The following TENT5C variants were observed in gnomAD, a reference collection of about 807,000 sequenced individuals.
TENT5C encodes terminal nucleotidyltransferase 5C.
In TENT5C, 5 loss-of-function variants were observed where a neutral mutation model predicts 22.2. That is an observed-to-expected ratio of 0.22 (90% confidence interval 0.12 to 0.47). TENT5C has a LOEUF of 0.47. TENT5C is among the 20% of genes least tolerant of loss of function. TENT5C has a pLI of 0.99. For synonymous variants in TENT5C, 199 were observed against 195.4 expected, an observed-to-expected ratio of 1.02 and a Z score of -0.15; for missense variants, 364 against 500.9, an observed-to-expected ratio of 0.73 and a Z score of 2.61.
In TENT5C at chr1:117,628,358, A is replaced by G. The variant is rs1456535028; in HGVS notation, c.*4314A>G. 4.2e-6 allele frequency: 1 copy of G among 236,040 alleles called. No individual in the cohort carries two copies. Among genetic ancestry groups the G allele is most frequent in the African/African-American group, 2.3e-5 (1 of 44,108 alleles). 14.6% of individuals were successfully genotyped at this position (236,040 alleles called of 1,614,324 possible). ...GAGTTTGAGAAATAAAGGTATATTT[A>G]AAATTTAAATAAAACTTGTCATTTA... On this transcript the variant is annotated 3_prime_UTR_variant, in exon 2 of 2. Transcript: ENST00000369448.
At chr1:117,610,018 C>T (rs752116246) in intron 1 of TENT5C, among the ~76,000 whole-genome samples, 20 of 152,176 alleles carry the variant, frequency 1.3e-4, no homozygotes, top group South Asian at 2.1e-4. Flanking sequence ...AAGCACTTGC[C>T]ATCCTTCCCA....
chr1:117,613,578 G>A (rs1363647440), intron 1 of TENT5C, among the ~76,000 whole-genome samples: 4 of 152,206 alleles, frequency 2.6e-5, no homozygotes, highest in Non-Finnish European at 5.9e-5. Context: ...TTCTTAGTGG[G>A]AAGTGAGAAT....
chr1:117,614,364 C>T (rs1653734479), intron 1 of TENT5C, among the ~76,000 whole-genome samples: 1 of 152,206 alleles, frequency 6.6e-6, no homozygotes, highest in African/African-American at 2.4e-5. Context: ...GGTCCATGGT[C>T]ATTCGAAGCG....
At position 117,610,619 on chromosome 1, in the gene TENT5C, G is replaced by A. The variant is rs184080196; in HGVS notation, c.-28+4466G>A. ...CTCTGCTCACTGCAACCTCCACCTC[G>A]TGGGTTCAAGCGATCCTCCTACCTC... is the stretch of plus-strand genomic sequence containing the variant. On this transcript the variant is annotated intron_variant, in intron 1 of 1. Transcript: ENST00000369448. Among the ~76,000 whole-genome samples the A allele has an allele frequency of 1.2e-3, 187 of 152,248 alleles. 1 individual carries two copies. The highest frequency in any genetic ancestry group is 8.3e-3 in the South Asian group (40 of 4,828).
chr1:117,621,782 G>A (rs959808523), intron 1 of TENT5C, among the ~76,000 whole-genome samples: 41 of 152,130 alleles, frequency 2.7e-4, no homozygotes, highest in African/African-American at 9.4e-4. Context: ...TATTCGACTC[G>A]TGGCTCTACA....
At chr1:117,611,099 C>T (rs892010863) in intron 1 of TENT5C, among the ~76,000 whole-genome samples, 3 of 152,222 alleles carry the variant, frequency 2.0e-5, no homozygotes, top group Admixed American at 6.5e-5. Flanking sequence ...CTCTGTCCAT[C>T]GTTGCCCTCT....
In TENT5C at chr1:117,622,976, C is replaced by T. The variant is rs755426698; in HGVS notation, c.108C>T (p.His36=). 26 of 1,614,072 alleles carry T rather than the reference C, an allele frequency of 1.6e-5. 1 individual carries two copies. Among genetic ancestry groups the T allele is most frequent in the South Asian group, 1.2e-4 (11 of 91,090 alleles). Residue 36 remains histidine, a synonymous_variant, in exon 2 of 2, where the codon CAC becomes CAT. Coordinates refer to ENST00000369448, the MANE Select transcript of TENT5C (RefSeq NM_017709.4). Reference sequence around the variant, plus strand: ...TCCTCACTGAAGTTGTACCTATCCACGGACGAGGCAACTTTCCAACCTTGG... The same window carrying T: ...TCCTCACTGAAGTTGTACCTATCCATGGACGAGGCAACTTTCCAACCTTGG... The part of the protein sequence containing the change: ...HEVLTEVVPI[H]GRGNFPTLEI...
At position 117,612,347 on chromosome 1, in the gene TENT5C, CT is replaced by C. The variant is rs373447232; in HGVS notation, c.-28+6209del. Among the ~76,000 whole-genome samples the C allele has an allele frequency of 1.1e-3, 157 of 145,192 alleles. No homozygotes were observed. The Middle Eastern group carries it at 0.022, about 20-fold the overall frequency. On this transcript the variant is annotated intron_variant, in intron 1 of 1. Coordinates refer to ENST00000369448, the MANE Select transcript of TENT5C (RefSeq NM_017709.4). The stretch of plus-strand genomic sequence containing the variant: ...TTGGATTCCTAGCCCGGTGCTCATT[CT>C]TTTTTTTTTTTTTTATAGTTTCTTA...
chr1:117,614,533 G>T (rs1653740377), intron 1 of TENT5C, among the ~76,000 whole-genome samples: 1 of 152,128 alleles, frequency 6.6e-6, no homozygotes, highest in Non-Finnish European at 1.5e-5. Flanking sequence ...TCCTGGGCTG[G>T]CCCTTTAAGT....
intron 1 of TENT5C, among the ~76,000 whole-genome samples, chr1:117,621,445 C>T (rs1653892730): frequency 6.6e-6 from 1 of 152,236 alleles, no homozygotes; most frequent in African/African-American, 2.4e-5. Flanking sequence ...GTATTGATAG[C>T]TCATATTTTC....
At chr1:117,617,988 T>A (rs1653822290) in intron 1 of TENT5C, among the ~76,000 whole-genome samples, 1 of 152,250 alleles carries the variant, frequency 6.6e-6, no homozygotes, top group South Asian at 2.1e-4. Context: ...AGCTAAGCAC[T>A]TAGTATGAAC....
chr1:117,608,928 G>A (rs1228795890), intron 1 of TENT5C, among the ~76,000 whole-genome samples: 1 of 152,184 alleles, frequency 6.6e-6, no homozygotes, highest in Non-Finnish European at 1.5e-5. Context: ...AAGGAGTAAT[G>A]TGGAATGTGA....
rs928054753 is a variant in TENT5C, at chr1:117,623,120, T to C, written c.252T>C (p.Asn84=). 3 of 1,614,164 alleles carry C rather than the reference T, an allele frequency of 1.9e-6. No homozygotes were observed. Among genetic ancestry groups the C allele is most frequent in the East Asian group, 4.5e-5 (2 of 44,886 alleles). The change falls in exon 2 of 2, where the codon AAT becomes AAC. Residue 84 remains asparagine (N), a synonymous_variant. Coordinates refer to ENST00000369448, the MANE Select transcript of TENT5C (RefSeq NM_017709.4). The part of the protein sequence containing the change: ...SAAGHVLVKD[N]GLGCKDLDLI... ...CTGGCCACGTTTTGGTCAAAGACAA[T>C]GGCTTGGGCTGCAAAGACCTGGACC...
chr1:117,618,001 A>C (rs1233917017), intron 1 of TENT5C, among the ~76,000 whole-genome samples: 2 of 152,230 alleles, frequency 1.3e-5, no homozygotes, highest in Non-Finnish European at 2.9e-5. Flanking sequence ...GTATGAACTC[A>C]GCTTAAATTT....
At chr1:117,615,391 C>A (rs1425048211) in intron 1 of TENT5C, among the ~76,000 whole-genome samples, 1 of 152,240 alleles carries the variant, frequency 6.6e-6, no homozygotes, top group African/African-American at 2.4e-5. Context: ...CCTCTTTGTT[C>A]TCCAGTTTTC....
chr1:117,608,129 A>G (rs1653585324), intron 1 of TENT5C, among the ~76,000 whole-genome samples: 1 of 152,116 alleles, frequency 6.6e-6, no homozygotes, highest in African/African-American at 2.4e-5. Context: ...TTACCAAAAC[A>G]AAGATCCCTA....
rs760034426 is a variant in TENT5C at position 117,623,027 on chromosome 1, G to C, written c.159G>C (p.Gln53His). Reference protein sequence around the residue: ...TLEITLKDIVQTVRSRLEEAG... With the variant: ...TLEITLKDIVHTVRSRLEEAG... ...AGATAACTCTGAAGGACATCGTCCA[G>C]ACCGTCCGCAGTCGGCTGGAGGAGG... Residue 53 changes from glutamine (Q) to histidine (H), a missense_variant, in exon 2 of 2, where the codon CAG becomes CAC. Around this residue, in one of 3 missense-constraint regions of TENT5C, gnomAD observed 303 missense variants for 394.5 expected, o/e 0.77. Transcript: ENST00000369448. 3 of 1,614,118 alleles carry C rather than the reference G, an allele frequency of 1.9e-6. No homozygotes were observed. The highest frequency in any genetic ancestry group is 1.7e-6 in the Non-Finnish European group (2 of 1,180,058).
chr1:117,612,982 TGTGGATTAC>T (rs1283569696), intron 1 of TENT5C, among the ~76,000 whole-genome samples: 1 of 152,240 alleles, frequency 6.6e-6, no homozygotes, highest in Non-Finnish European at 1.5e-5. Flanking sequence ...TCTTAAACCC[TGTGGATTAC>T]GTGTAAGCTG....
In TENT5C at chr1:117,623,428, T is replaced by A. The variant is rs754010269; in HGVS notation, c.560T>A (p.Ile187Asn). 6.2e-7 allele frequency: 1 copy of A among 1,614,136 alleles called. No individual in the cohort carries two copies. Among genetic ancestry groups the A allele is most frequent in the Non-Finnish European group, 8.5e-7 (1 of 1,180,032 alleles). ...TTCAGTGTGGACTCTTTCCAAATCA[T>A]CCTGGATTCTTTGCTTTTCTTCTAT... ...FEFSVDSFQI[I>N]LDSLLFFYDC... Residue 187 changes from isoleucine (I) to asparagine (N), a missense_variant, in exon 2 of 2, where the codon ATC (isoleucine) becomes AAC (asparagine). Ile to Asn is a moderately radical substitution (Grantham distance 149). Transcript: ENST00000369448.
Sources: allele counts gnomAD v4.1 joint callset (sites outside exome capture counted in the v4.1 genomes callset), GRCh38; gene constraint gnomAD v4.1.1; regional missense constraint gnomAD v4.1.1; transcripts MANE v1.5; gene names NCBI Gene and HGNC (gene_info 2026-07-23, HGNC 2026-07-21).